KAZN: variants seen among roughly 807,000 people sequenced by gnomAD.
KAZN encodes the protein kazrin, periplakin interacting protein.
Under a neutral mutation model 87.4 loss-of-function variants are expected in KAZN, and 40 were observed. That is an observed-to-expected ratio of 0.46 (90% CI 0.36 to 0.60). The LOEUF is 0.60. KAZN is among the 20% of genes least tolerant of loss of function. The pLI is 0.00. For synonymous variants in KAZN, 466 were observed against 458.3 expected (o/e 1.02, Z -0.22); for missense variants, 898 against 1,073.9 (o/e 0.84, Z 2.29).
chr1:14,658,777 C>T (rs181106749), intron 1 of KAZN, among the ~76,000 whole-genome samples: 2 of 152,274 alleles, frequency 1.3e-5, no homozygotes, highest in African/African-American at 4.8e-5. Flanking sequence ...CCTAGACTCC[C>T]CTACATGTGA....
At chr1:14,217,986 A>C (rs911040948) in intron 2 of KAZN, among the ~76,000 whole-genome samples, 3 of 152,174 alleles carry the variant, frequency 2.0e-5, no homozygotes, top group African/African-American at 7.2e-5. Context: ...TGACTTGGAG[A>C]ATATTTTTCC....
intron 2 of KAZN, among the ~76,000 whole-genome samples, chr1:14,966,334 G>A (rs1664454241): frequency 2.6e-5 from 4 of 152,146 alleles, no homozygotes; most frequent in Admixed American, 2.6e-4. Flanking sequence ...AGATTCGAGT[G>A]AGAAGAGCAG....
chr1:14,909,728 C>T (rs1657029534), intron 1 of KAZN, among the ~76,000 whole-genome samples: 1 of 152,210 alleles, frequency 6.6e-6, no homozygotes, highest in Admixed American at 6.5e-5. Context: ...AACCACAGTG[C>T]TTTGTATGCA....
At chr1:14,953,268 A>G (rs1421042436) in intron 1 of KAZN, among the ~76,000 whole-genome samples, 1 of 152,242 alleles carries the variant, frequency 6.6e-6, no homozygotes, top group Non-Finnish European at 1.5e-5. Flanking sequence ...GCTGAGGGGC[A>G]TGCCCCCCTC....
intron 1 of KAZN, among the ~76,000 whole-genome samples, chr1:14,822,707 T>C (rs1180881450): frequency 1.3e-5 from 2 of 152,216 alleles, no homozygotes; most frequent in Admixed American, 6.5e-5. Context: ...AGTGGCCTTC[T>C]CTGGAGGCTC....
At chr1:14,411,380 C>T (rs1037061654) in intron 2 of KAZN, among the ~76,000 whole-genome samples, 7 of 152,178 alleles carry the variant, frequency 4.6e-5, no homozygotes, top group Non-Finnish European at 1.0e-4. Context: ...GTGTAACCTC[C>T]GTCTCCCTAG....
At chr1:14,872,658 C>T (rs1366427439) in intron 1 of KAZN, among the ~76,000 whole-genome samples, 2 of 152,226 alleles carry the variant, frequency 1.3e-5, no homozygotes, top group African/African-American at 2.4e-5. Context: ...TATTTCTGGA[C>T]ATCTCCCTTC....
intron 2 of KAZN, among the ~76,000 whole-genome samples, chr1:14,982,355 C>T (rs1307394904): frequency 2.7e-5 from 4 of 149,854 alleles, no homozygotes; most frequent in African/African-American, 9.8e-5. Context: ...TGGGACAGGG[C>T]ATGGGACAGT....
intron 2 of KAZN, among the ~76,000 whole-genome samples, chr1:14,348,649 T>G (rs373942334): frequency 1.3e-5 from 2 of 152,198 alleles, no homozygotes; most frequent in Admixed American, 1.3e-4. Context: ...AAGAGGGGGA[T>G]AGTTCACATT....
chr1:14,197,156 G>A (rs964050752), intron 2 of KAZN, among the ~76,000 whole-genome samples: 1 of 152,058 alleles, frequency 6.6e-6, no homozygotes, highest in Non-Finnish European at 1.5e-5. Flanking sequence ...TTACCAAGGG[G>A]CAGATCATGG....
intron 1 of KAZN, among the ~76,000 whole-genome samples, chr1:13,934,934 A>T (rs1012723198): frequency 9.9e-5 from 15 of 152,144 alleles, no homozygotes; most frequent in Admixed American, 6.5e-4. Flanking sequence ...AAATTGAATT[A>T]GCATAATAAT....
At chr1:14,849,938 C>CCT (rs1553144800) in intron 1 of KAZN, among the ~76,000 whole-genome samples, 12 of 143,288 alleles carry the variant, frequency 8.4e-5, no homozygotes, top group African/African-American at 2.6e-4. Context: ...TCTACCCCCC[C>CCT]TTTTTTTTTT....
chr1:14,751,082 G>A (rs772001457), intron 1 of KAZN, among the ~76,000 whole-genome samples: 19 of 152,190 alleles, frequency 1.2e-4, no homozygotes, highest in Non-Finnish European at 2.6e-4. Context: ...GAAGCTTTGA[G>A]TATGTTCTTG....
chr1:14,189,182 T>A lies in KAZN; in HGVS notation c.249+8590T>A, dbSNP rs141626399. ...TAAAAGTAGTTTAATAATGAGATGG[T>A]GACCTGGCTATTTTAAGTACTCACT... On this transcript the variant is annotated intron_variant, in intron 2 of 16. Coordinates refer to the KAZN transcript ENST00000636203. Among the ~76,000 whole-genome samples the A allele has an allele frequency of 1.9e-4, 29 of 152,292 alleles. 1 individual carries two copies. The highest frequency in any genetic ancestry group is 6.5e-4 in the African/African-American group (27 of 41,574).
intron 1 of KAZN, among the ~76,000 whole-genome samples, chr1:14,631,551 C>T (rs978222126): frequency 6.6e-6 from 1 of 152,166 alleles, no homozygotes; most frequent in South Asian, 2.1e-4. Context: ...TGCTACCTCT[C>T]ACCCCAGGGC....
At chr1:14,837,598 G>C (rs927638004) in intron 1 of KAZN, among the ~76,000 whole-genome samples, 2 of 147,050 alleles carry the variant, frequency 1.4e-5, no homozygotes, top group Admixed American at 7.0e-5. Context: ...TGTCACCCAG[G>C]CTGGAGTGCA....
chr1:15,018,656 G>T (rs1404789448), intron 2 of KAZN, among the ~76,000 whole-genome samples: 2 of 151,962 alleles, frequency 1.3e-5, no homozygotes, highest in Non-Finnish European at 2.9e-5. Context: ...AGTTGTGGGG[G>T]TCTCACAGAA....
At chr1:14,813,372 T>A (rs1646469461) in intron 1 of KAZN, among the ~76,000 whole-genome samples, 1 of 152,166 alleles carries the variant, frequency 6.6e-6, no homozygotes, top group African/African-American at 2.4e-5. Flanking sequence ...GCAGCTGCCA[T>A]GTTGTGAGGC....
upstream of KAZN, among the ~76,000 whole-genome samples, chr1:14,594,220 C>T (rs1442884027): frequency 3.9e-5 from 6 of 152,132 alleles, no homozygotes; most frequent in Non-Finnish European, 7.4e-5. Flanking sequence ...CCAGTCTTGA[C>T]GTTATATTAT....
Sources: gnomAD v4.1 joint callset for allele counts (sites outside exome capture counted in the v4.1 genomes callset) on GRCh38, gnomAD v4.1.1 for gene constraint, MANE v1.5 for transcripts, NCBI Gene and HGNC (gene_info 2026-07-23, HGNC 2026-07-21) for gene names.